Variants in UBE2J1 observed in about 807,000 individuals in gnomAD.
UBE2J1 encodes the protein ubiquitin conjugating enzyme E2 J1.
Under a neutral mutation model 42.1 loss-of-function variants are expected in UBE2J1, and 17 were observed. That is an observed-to-expected ratio of 0.40 (90% CI 0.28 to 0.61). UBE2J1 has a LOEUF of 0.61. UBE2J1 is among the 20% of genes least tolerant of loss of function. The probability of loss-of-function intolerance (pLI) is 0.38; values close to 1 mark genes in which losing one functional copy is unlikely to be tolerated. For synonymous variants in UBE2J1, 127 were observed against 137.2 expected, an observed-to-expected ratio of 0.93 and a Z score of 0.52; for missense variants, 291 against 389.4, an observed-to-expected ratio of 0.75 and a Z score of 2.13.
chr6:89,338,657 GTTTTTTTTTT>G, intron 3 of UBE2J1, 114 bp from the exon 4 acceptor site: 1 of 104,708 alleles, frequency 9.6e-6, no homozygotes, highest in South Asian at 3.2e-4. Flanking sequence ...TAAAAAGTTT[GTTTTTTTTTT>G]TTTTTTTTTT....
intron 1 of UBE2J1, among the ~76,000 whole-genome samples, chr6:89,345,318 G>A (rs1444382179): frequency 6.6e-6 from 1 of 152,164 alleles, no homozygotes; most frequent in Admixed American, 6.5e-5. Flanking sequence ...AATTGCATTT[G>A]AGGCCAGGCG....
intron 1 of UBE2J1, among the ~76,000 whole-genome samples, chr6:89,348,364 T>C (rs11965563): frequency 0.018 from 2,791 of 152,254 alleles, 94 homozygotes; most frequent in African/African-American, 0.064. Context: ...TAGCCTCACA[T>C]TGGGGTTTGT....
At chr6:89,335,093 T>A (rs889522037) in intron 6 of UBE2J1, among the ~76,000 whole-genome samples, 1 of 152,132 alleles carries the variant, frequency 6.6e-6, no homozygotes, top group Admixed American at 6.5e-5. Flanking sequence ...AGAAAAACAT[T>A]CCATGCCAGT....
intron 1 of UBE2J1, among the ~76,000 whole-genome samples, 197 bp downstream of exon 1, chr6:89,352,342 G>C (rs564425788): frequency 6.6e-6 from 1 of 152,338 alleles, no homozygotes; most frequent in South Asian, 2.1e-4. Context: ...TGGCCGGCCG[G>C]GGGATTGGCA....
At chr6:89,345,632 G>GC (rs1471720245) in intron 1 of UBE2J1, among the ~76,000 whole-genome samples, 5 of 151,258 alleles carry the variant, frequency 3.3e-5, no homozygotes, top group Middle Eastern at 3.4e-3. Flanking sequence ...ACAAAACCAG[G>GC]CACGGTGGCT....
intron 1 of UBE2J1, among the ~76,000 whole-genome samples, chr6:89,344,225 A>T (rs1407627073): frequency 2.0e-5 from 3 of 152,210 alleles, no homozygotes; most frequent in African/African-American, 7.2e-5. Flanking sequence ...AAATGTCTTT[A>T]TTAACAAAAA....
Position 89,329,601 on chromosome 6 carries a change from A to T in UBE2J1, c.*78T>A. The stretch of plus-strand genomic sequence containing the variant: ...GGTAAATACAAAATAATCTTTTTGT[A>T]AACAATTCTTAGATTATACCCAATG... On this transcript the variant is annotated 3_prime_UTR_variant, in exon 8 of 8. Coordinates refer to ENST00000435041, the MANE Select transcript of UBE2J1 (RefSeq NM_016021.3). The T allele has an allele frequency of 1.4e-6, 2 of 1,470,696 alleles. No homozygotes were observed. Among genetic ancestry groups the T allele is most frequent in the Non-Finnish European group, 1.9e-6 (2 of 1,071,236 alleles). 91.1% of individuals were successfully genotyped at this position (1,470,696 alleles called of 1,614,324 possible).
At position 89,348,183 on chromosome 6, in the gene UBE2J1, T is replaced by C. The variant is rs150159766; in HGVS notation, c.31+4356A>G. Among the ~76,000 whole-genome samples the C allele has an allele frequency of 4.1e-3, 627 of 152,306 alleles. 2 individuals are homozygous for C. The highest frequency in any genetic ancestry group is 0.014 in the African/African-American group (598 of 41,558). ...CCTATCTCTTGGAAAGGTTTTTCCA[T>C]GGAATCCTTTCACTGTGGTGAGATA... On this transcript the variant is annotated intron_variant, in intron 1 of 7. Transcript: ENST00000435041.
intron 6 of UBE2J1, 131 bp from the exon 7 acceptor site, chr6:89,333,336 T>C: frequency 9.7e-7 from 1 of 1,035,934 alleles, no homozygotes; most frequent in Non-Finnish European, 1.4e-6. Flanking sequence ...TATCAGGCAG[T>C]TAATCACTGA....
At chr6:89,342,774 TATG>T (rs1425076672) in intron 2 of UBE2J1, among the ~76,000 whole-genome samples, 1 of 152,172 alleles carries the variant, frequency 6.6e-6, no homozygotes, top group African/African-American at 2.4e-5. Context: ...AATAGCAAAT[TATG>T]ATAATTATAT....
At chr6:89,337,047 C>G (rs1384413849) in intron 5 of UBE2J1, among the ~76,000 whole-genome samples, 1 of 151,980 alleles carries the variant, frequency 6.6e-6, no homozygotes, top group Non-Finnish European at 1.5e-5. Flanking sequence ...CGCCATTTTA[C>G]CCAGGCTGGT....
intron 2 of UBE2J1, among the ~76,000 whole-genome samples, chr6:89,343,455 AAAG>A (rs1768294773): frequency 6.6e-6 from 1 of 150,812 alleles, no homozygotes; most frequent in African/African-American, 2.4e-5. Context: ...AAAAAAAAAA[AAAG>A]ATCTAACCTC....
intron 5 of UBE2J1, among the ~76,000 whole-genome samples, chr6:89,336,505 T>A (rs116998203): frequency 0.057 from 8,555 of 150,644 alleles, 277 homozygotes; most frequent in Middle Eastern, 0.12. Context: ...TATTATTATT[T>A]TTTTTTTTGT....
chr6:89,333,131 T>C lies in UBE2J1; in HGVS notation c.633A>G (p.Gln211=). The part of the protein sequence containing the change: ...LNHSFSLTDL[Q]DDIPTTFQGA... ...CCTGGAATGTTGTAGGTATATCATC[T>C]TGTAAATCAGTTAGTGAAAAAGAGT... The change falls in exon 7 of 8, where the codon CAA becomes CAG. Residue 211 remains glutamine, a synonymous_variant. Coordinates refer to ENST00000435041, the MANE Select transcript of UBE2J1 (RefSeq NM_016021.3). 1 of 1,613,334 alleles carries C rather than the reference T, an allele frequency of 6.2e-7. No individual in the cohort carries two copies. Among genetic ancestry groups the C allele is most frequent in the Non-Finnish European group, 8.5e-7 (1 of 1,179,574 alleles).
Position 89,328,744 on chromosome 6 carries a change from C to A in UBE2J1, c.*935G>T, listed in dbSNP as rs1767951132. 1 of 152,014 alleles carries A rather than the reference C, an allele frequency of 6.6e-6. No homozygotes were observed. The highest frequency in any genetic ancestry group is 2.1e-4 in the South Asian group (1 of 4,822). 9.4% of individuals were successfully genotyped at this position (152,014 alleles called of 1,614,324 possible). On this transcript the variant is annotated 3_prime_UTR_variant, in exon 8 of 8. Coordinates refer to ENST00000435041, the MANE Select transcript of UBE2J1 (RefSeq NM_016021.3). Reference sequence around the variant, plus strand: ...TAACTTCTATCACTGTTACTTGGGCCCTGAGGTTTTCTATTAAAATAGGAC... The same window carrying A: ...TAACTTCTATCACTGTTACTTGGGCACTGAGGTTTTCTATTAAAATAGGAC...
chr6:89,331,741 A>G (rs900148755), intron 7 of UBE2J1, among the ~76,000 whole-genome samples: 1 of 152,248 alleles, frequency 6.6e-6, no homozygotes, highest in Non-Finnish European at 1.5e-5. Flanking sequence ...TACACAAAAG[A>G]TTTAAATACA....
intron 1 of UBE2J1, among the ~76,000 whole-genome samples, chr6:89,350,578 A>G (rs951188509): frequency 6.6e-6 from 1 of 152,214 alleles, no homozygotes; most frequent in East Asian, 1.9e-4. Context: ...TAGATTTTTA[A>G]GAAGCATTGT....
At chr6:89,334,470 TTTTC>T (rs1470888859) in intron 6 of UBE2J1, among the ~76,000 whole-genome samples, 1 of 151,464 alleles carries the variant, frequency 6.6e-6, no homozygotes, top group Non-Finnish European at 1.5e-5. Context: ...TCTTTTTCTT[TTTTC>T]TTTTTTTTTT....
intron 1 of UBE2J1, among the ~76,000 whole-genome samples, chr6:89,349,203 C>T (rs1229527585): frequency 6.6e-6 from 1 of 152,102 alleles, no homozygotes; most frequent in African/African-American, 2.4e-5. Flanking sequence ...CACCACTGCA[C>T]TCCAGGCTGG....
Sources: gnomAD v4.1 joint callset for allele counts (sites outside exome capture counted in the v4.1 genomes callset) on GRCh38, gnomAD v4.1.1 for gene constraint, MANE v1.5 for transcripts, NCBI Gene and HGNC (gene_info 2026-07-23, HGNC 2026-07-21) for gene names.